ZFAT: variants seen among roughly 807,000 people sequenced by gnomAD.
ZFAT encodes zinc finger protein ZFAT.
A neutral mutation model predicts 117.7 loss-of-function variants in ZFAT; 64 were observed. The observed-to-expected ratio is 0.54, with a 90% CI of 0.44 to 0.67. The LOEUF is 0.67. Among genes scored for constraint, ZFAT ranks in the 30% least tolerant of loss-of-function variants. The pLI, the probability that ZFAT is intolerant of heterozygous loss-of-function variation, is 0.00. For missense variants in ZFAT, 1,433 were observed against 1,584.5 expected (o/e 0.90, Z 1.62); for synonymous variants, 679 against 615.0 (o/e 1.10, Z -1.54).
chr8:134,723,626 G>C, the ZFAT span: 1 of 152,344 alleles, frequency 6.6e-6, no homozygotes, highest in African/African-American at 2.4e-5. Flanking sequence ...TCCTGCCAGA[G>C]TCTCCCCTTG....
chr8:134,657,986 T>C (rs2467026), intron 1 of ZFAT, among the ~76,000 whole-genome samples: 103,091 of 151,970 alleles, frequency 0.68, 35,638 homozygotes, highest in African/African-American at 0.81. Flanking sequence ...ATACAAACCT[T>C]CTTGTTACCC....
chr8:134,636,377 G>A (rs568881565), intron 3 of ZFAT, among the ~76,000 whole-genome samples: 82 of 152,340 alleles, frequency 5.4e-4, no homozygotes, highest in Middle Eastern at 6.8e-3. Context: ...ACGGCTCACT[G>A]TAATAGCTGG....
intron 10 of ZFAT, among the ~76,000 whole-genome samples, chr8:134,570,965 A>C (rs965548773): frequency 4.6e-5 from 7 of 152,222 alleles, no homozygotes; most frequent in Admixed American, 1.3e-4. Context: ...GAGACAGGAC[A>C]TCAGAATGAA....
At chr8:134,644,998 C>T (rs11166651) in intron 2 of ZFAT, among the ~76,000 whole-genome samples, 43,534 of 152,030 alleles carry the variant, frequency 0.29, 6,904 homozygotes, top group South Asian at 0.53. Context: ...TGATCACACA[C>T]ACGCACATGG....
chr8:134,523,317 A>G (rs1382816236), intron 12 of ZFAT, among the ~76,000 whole-genome samples: 4 of 152,086 alleles, frequency 2.6e-5, no homozygotes, highest in Non-Finnish European at 4.4e-5. Flanking sequence ...CCCAGGACAT[A>G]TATTATCCAC....
chr8:134,481,664 C>G (rs948594202), intron 15 of ZFAT, among the ~76,000 whole-genome samples: 5 of 152,222 alleles, frequency 3.3e-5, no homozygotes, highest in African/African-American at 9.6e-5. Context: ...CCTGGCAGCA[C>G]AGGGGACAGA....
chr8:134,783,621 C>T, the ZFAT span: 1 of 152,180 alleles, frequency 6.6e-6, no homozygotes, highest in Admixed American at 6.5e-5. Flanking sequence ...TTTTAAAAAA[C>T]AGTTCTTTAA....
At chr8:134,676,647 T>C (rs935371537) in intron 1 of ZFAT, among the ~76,000 whole-genome samples, 15 of 152,204 alleles carry the variant, frequency 9.9e-5, no homozygotes, top group African/African-American at 3.1e-4. Context: ...ATAAACATTC[T>C]TCTCAGCACC....
rs769640901 is a variant in ZFAT at position 134,610,598 on chromosome 8, G to A, written c.506C>T (p.Ala169Val). Reference protein sequence around the residue: ...KKCKEDDREKASKRPRSQKTE... With the variant: ...KKCKEDDREKVSKRPRSQKTE... The stretch of plus-strand genomic sequence containing the variant: ...TTTCTGTGACCGTGGTCTTTTCGAG[G>A]CTTTTTCCCGATCATCTTCCTTACA... Residue 169 changes from alanine to valine, a missense_variant, in exon 4 of 16, where the codon GCC becomes GTC. This residue lies in a region of ZFAT where 436 missense variants were observed against 482.0 expected (regional missense o/e 0.90). Coordinates refer to ENST00000377838, the MANE Select transcript of ZFAT (RefSeq NM_020863.4). The A allele has an allele frequency of 1.9e-6, 3 of 1,614,172 alleles. No individual in the cohort carries two copies. The South Asian group carries it at 3.3e-5, about 18-fold the overall frequency.
At chr8:134,549,190 C>T (rs1338923364) in intron 11 of ZFAT, among the ~76,000 whole-genome samples, 1 of 152,004 alleles carries the variant, frequency 6.6e-6, no homozygotes, top group Non-Finnish European at 1.5e-5. Flanking sequence ...ATCTGTAATC[C>T]CAGCACTTTG....
chr8:134,657,373 C>T (rs542606705), intron 2 of ZFAT, among the ~76,000 whole-genome samples, 188 bp downstream of exon 2: 1 of 152,302 alleles, frequency 6.6e-6, no homozygotes, highest in Admixed American at 6.5e-5. Flanking sequence ...ATTCATTTGC[C>T]AACCTACAGG....
At chr8:134,727,463 A>G in the ZFAT span, among the ~76,000 whole-genome samples, 1 of 152,188 alleles carries the variant, frequency 6.6e-6, no homozygotes, top group Non-Finnish European at 1.5e-5. Context: ...CTCTCTGATC[A>G]TTGAAGACCC....
chr8:134,755,065 T>C, the ZFAT span, among the ~76,000 whole-genome samples: 758 of 152,300 alleles, frequency 5.0e-3, 4 homozygotes, highest in Non-Finnish European at 7.1e-3. Context: ...GTGTTTGTTT[T>C]ACCTAAGCAA....
At chr8:134,517,198 T>C (rs944462253) in intron 13 of ZFAT, among the ~76,000 whole-genome samples, 1 of 152,210 alleles carries the variant, frequency 6.6e-6, no homozygotes, top group African/African-American at 2.4e-5. Context: ...CAATTTGATA[T>C]ACAGTTAGAA....
the ZFAT span, among the ~76,000 whole-genome samples, chr8:134,751,800 A>G: frequency 6.6e-6 from 1 of 152,042 alleles, no homozygotes; most frequent in Non-Finnish European, 1.5e-5. Flanking sequence ...TAAGAGAGAG[A>G]GAAGTAGCAT....
the ZFAT span, among the ~76,000 whole-genome samples, chr8:134,829,021 G>GGACC: frequency 6.6e-6 from 1 of 152,092 alleles, no homozygotes; most frequent in East Asian, 1.9e-4. Context: ...CTCTGCTGGG[G>GGACC]GACCACTGTC....
chr8:134,481,749 G>A (rs572096469), intron 15 of ZFAT, among the ~76,000 whole-genome samples: 6 of 152,344 alleles, frequency 3.9e-5, no homozygotes, highest in Admixed American at 6.5e-5. Context: ...GCCCATAGAC[G>A]CCGCAGAGGA....
chr8:134,748,187 C>A, the ZFAT span, among the ~76,000 whole-genome samples: 1 of 152,160 alleles, frequency 6.6e-6, no homozygotes, highest in Non-Finnish European at 1.5e-5. Flanking sequence ...TTAAGAGCAA[C>A]ACAGAGGTCC....
At chr8:134,589,559 G>A (rs1210148631) in intron 8 of ZFAT, among the ~76,000 whole-genome samples, 1 of 152,238 alleles carries the variant, frequency 6.6e-6, no homozygotes, top group African/African-American at 2.4e-5. Flanking sequence ...CACTGGAGAT[G>A]AGGCGGGATA....
Sources: gnomAD v4.1 joint callset for allele counts (sites outside exome capture counted in the v4.1 genomes callset) on GRCh38, gnomAD v4.1.1 for gene constraint, gnomAD v4.1.1 regional missense constraint, MANE v1.5 for transcripts, NCBI Gene and HGNC (gene_info 2026-07-23, HGNC 2026-07-21) for gene names.